The following ADAMTSL3 variants were observed in gnomAD, a reference collection of about 807,000 sequenced individuals.
ADAMTSL3 encodes ADAMTS like 3, also known as ADAMTS-like protein 3.
ADAMTSL3 carries 128 observed loss-of-function variants against 201.7 expected under a neutral mutation model. The ratio of observed to expected loss-of-function variants is 0.63; its 90% CI spans 0.55 to 0.73. The LOEUF (loss-of-function observed/expected upper bound fraction) is 0.73. ADAMTSL3 is among the 30% of genes least tolerant of loss of function. The pLI is 0.00. For missense variants in ADAMTSL3, 1,990 were observed against 2,119.6 expected (o/e 0.94, Z 1.20); for synonymous variants, 738 against 748.4 (o/e 0.99, Z 0.23).
chr15:83,804,071 A>G (rs942142043), intron 4 of ADAMTSL3, among the ~76,000 whole-genome samples: 1 of 152,090 alleles, frequency 6.6e-6, no homozygotes, highest in Admixed American at 6.5e-5. Context: ...TGAACCTGGG[A>G]GATGGAGATT....
In ADAMTSL3 at chr15:83,874,680, G is replaced by C. The variant is rs950737247; in HGVS notation, c.960+3721G>C. 7.7e-5 allele frequency among the ~76,000 whole-genome samples: 11 copies of C among 143,730 alleles called. 2 individuals carry two copies. The highest frequency in any genetic ancestry group is 2.9e-4 in the African/African-American group (11 of 37,320). The allele number at this position is 143,730 out of a possible 152,430, so 94.3% of individuals were successfully genotyped here. On this transcript the variant is annotated intron_variant, in intron 9 of 29. Transcript: ENST00000286744. Reference sequence around the variant, plus strand: ...GATGCAGAGCTCTAAAGCCAGCCAAGGATTGGATAGGGGTCCCAGCCACAC... The same window carrying C: ...GATGCAGAGCTCTAAAGCCAGCCAACGATTGGATAGGGGTCCCAGCCACAC...
chr15:83,893,819 C>T (rs996006578), intron 13 of ADAMTSL3, among the ~76,000 whole-genome samples: 5 of 152,148 alleles, frequency 3.3e-5, no homozygotes, highest in African/African-American at 1.2e-4. Flanking sequence ...ATGAAAAATG[C>T]AGACATTGGT....
chr15:83,998,087 G>T (rs2067721612), intron 23 of ADAMTSL3, among the ~76,000 whole-genome samples: 1 of 151,966 alleles, frequency 6.6e-6, no homozygotes, highest in African/African-American at 2.4e-5. Context: ...CTTTACAAAG[G>T]AGTTCTTGGA....
chr15:83,881,941 C>T (rs1280791640), intron 9 of ADAMTSL3, among the ~76,000 whole-genome samples: 2 of 151,964 alleles, frequency 1.3e-5, no homozygotes, highest in Non-Finnish European at 2.9e-5. Context: ...ATCATGAGAT[C>T]AGGAGATCGA....
rs549713566 is a variant in ADAMTSL3, at chr15:83,696,467, A to G, written c.70-7922A>G. On this transcript the variant is annotated intron_variant, in intron 2 of 29. Coordinates refer to ENST00000286744, the MANE Select transcript of ADAMTSL3 (RefSeq NM_207517.3). ...TGGTGTCTGGCTAAGCGCTGGTGTC[A>G]TGGGAAGAGTCCAGCAATAATGGCT... 6.6e-5 allele frequency among the ~76,000 whole-genome samples: 10 copies of G among 152,190 alleles called. No homozygotes were observed. In the South Asian group the frequency reaches 1.9e-3, roughly 28 times the overall value.
intron 2 of ADAMTSL3, among the ~76,000 whole-genome samples, chr15:83,678,664 G>T (rs2061437364): frequency 6.7e-6 from 1 of 148,688 alleles, no homozygotes. Flanking sequence ...TTTAGTTTTA[G>T]TCTTTTCCCC....
intron 27 of ADAMTSL3, among the ~76,000 whole-genome samples, chr15:84,026,100 G>C (rs1053973064): frequency 6.6e-6 from 1 of 152,152 alleles, no homozygotes; most frequent in African/African-American, 2.4e-5. Flanking sequence ...TGGAGGTATA[G>C]AGAGACTTTC....
chr15:83,667,398 T>C (rs2061263051), intron 2 of ADAMTSL3, among the ~76,000 whole-genome samples: 1 of 152,164 alleles, frequency 6.6e-6, no homozygotes, highest in Admixed American at 6.5e-5. Flanking sequence ...TATGGTATAA[T>C]GGAGGAGTAA....
chr15:84,029,622 A>G (rs2068367568), intron 27 of ADAMTSL3, among the ~76,000 whole-genome samples: 1 of 127,152 alleles, frequency 7.9e-6, no homozygotes, highest in African/African-American at 3.2e-5. Context: ...TGAGGATGCA[A>G]TGGAAAAGAA....
chr15:83,892,999 G>T (rs1285096225), intron 13 of ADAMTSL3, 111 bp downstream of exon 13: 1 of 1,062,720 alleles, frequency 9.4e-7, no homozygotes, highest in Non-Finnish European at 1.4e-6. Flanking sequence ...AGTGGTAAAA[G>T]AGCATGGTTC....
chr15:83,879,593 G>C (rs1050326899), intron 9 of ADAMTSL3, among the ~76,000 whole-genome samples: 1 of 152,124 alleles, frequency 6.6e-6, no homozygotes, highest in African/African-American at 2.4e-5. Context: ...TAATTCTACT[G>C]TGGTCAAAGA....
chr15:83,713,022 C>T (rs1285331215), intron 3 of ADAMTSL3, among the ~76,000 whole-genome samples: 1 of 152,188 alleles, frequency 6.6e-6, no homozygotes, highest in Admixed American at 6.5e-5. Context: ...TCTACTTCTC[C>T]CAGGTGATCA....
intron 3 of ADAMTSL3, among the ~76,000 whole-genome samples, chr15:83,762,445 C>T (rs1015615308): frequency 6.6e-5 from 10 of 152,268 alleles, no homozygotes; most frequent in African/African-American, 1.4e-4. Context: ...AATGTATTCT[C>T]TCATGTTCTG....
chr15:84,000,717 A>C (rs1000855946), intron 23 of ADAMTSL3, among the ~76,000 whole-genome samples: 2 of 152,356 alleles, frequency 1.3e-5, no homozygotes, highest in Non-Finnish European at 1.5e-5. Flanking sequence ...ATGAATTGCA[A>C]CCAGCCCACT....
chr15:83,957,081 T>G (rs931476445), intron 19 of ADAMTSL3, among the ~76,000 whole-genome samples: 1 of 152,234 alleles, frequency 6.6e-6, no homozygotes, highest in African/African-American at 2.4e-5. Context: ...CGTTTAAGTC[T>G]GCCTGGGTCA....
intron 6 of ADAMTSL3, 111 bp downstream of exon 6, chr15:83,820,158 A>G (rs1464886477): frequency 3.3e-6 from 3 of 917,556 alleles, no homozygotes; most frequent in Non-Finnish European, 5.2e-6. Context: ...AAATATTGCT[A>G]TTGGCCAGGT....
chr15:84,002,955 T>TTTTTTTTTTTTTTTTTTTTTTTTTTTC (rs2067825334), intron 23 of ADAMTSL3, among the ~76,000 whole-genome samples: 1 of 146,046 alleles, frequency 6.8e-6, no homozygotes, highest in Non-Finnish European at 1.5e-5. Context: ...TTTTTTTTTT[T>TTTTTTTTTTTTTTTTTTTTTTTTTTTC]GGCTTAGAGA....
chr15:83,728,562 C>T (rs1440510622), intron 3 of ADAMTSL3, among the ~76,000 whole-genome samples: 1 of 151,572 alleles, frequency 6.6e-6, no homozygotes, highest in African/African-American at 2.4e-5. Context: ...ATCTGGTAAC[C>T]CATTATTTTA....
chr15:83,820,077 T>A, intron 6 of ADAMTSL3, 30 bp downstream of exon 6: 9 of 1,541,706 alleles, frequency 5.8e-6, no homozygotes, highest in Non-Finnish European at 7.2e-6. Flanking sequence ...AATCCCCTGC[T>A]TTGGGGATGT....
Sources: gnomAD v4.1 joint callset for allele counts (sites outside exome capture counted in the v4.1 genomes callset) on GRCh38, gnomAD v4.1.1 for gene constraint, MANE v1.5 for transcripts, NCBI Gene and HGNC (gene_info 2026-07-23, HGNC 2026-07-21) for gene names.